The following MRM1 variants were observed in gnomAD, a reference collection of about 807,000 sequenced individuals.
The protein encoded by MRM1 is mitochondrial rRNA methyltransferase 1.
A neutral mutation model predicts 25.0 loss-of-function variants in MRM1; 24 were observed. The observed-to-expected ratio is 0.96, with a 90% CI of 0.69 to 1.35. The LOEUF is 1.35. MRM1 is among the 40% of genes most tolerant of loss of function. The probability of loss-of-function intolerance (pLI) is 0.00; values close to 1 mark genes in which losing one functional copy is unlikely to be tolerated. For synonymous variants in MRM1, 188 were observed against 199.2 expected, an observed-to-expected ratio of 0.94 and a Z score of 0.47; for missense variants, 431 against 464.1, an observed-to-expected ratio of 0.93 and a Z score of 0.65.
At chr17:36,603,060 A>G (rs891130769) in intron 2 of MRM1, 68 of 985,256 alleles carry the variant, frequency 6.9e-5, no homozygotes, top group Non-Finnish European at 7.7e-5. Flanking sequence ...ATCTAGCAAG[A>G]GACAAACCTT....
At chr17:36,610,399 A>AT (rs1429650963), downstream of MRM1, among the ~76,000 whole-genome samples, 1 of 151,724 alleles carries the variant, frequency 6.6e-6, no homozygotes, top group Non-Finnish European at 1.5e-5. Context: ...AGCCTGGCTA[A>AT]TTTTTTGTGT....
chr17:36,611,558 G>A (rs1294251365), downstream of MRM1, among the ~76,000 whole-genome samples: 1 of 152,160 alleles, frequency 6.6e-6, no homozygotes, highest in Non-Finnish European at 1.5e-5. Flanking sequence ...CAGATGTTTG[G>A]TCAAACATTC....
At chr17:36,631,475 G>A in the MRM1 span, among the ~76,000 whole-genome samples, 1 of 152,242 alleles carries the variant, frequency 6.6e-6, no homozygotes, top group Admixed American at 6.5e-5. Context: ...GTTTAGGCAT[G>A]TGACCTTGGG....
chr17:36,634,080 A>G, the MRM1 span: 1 of 152,050 alleles, frequency 6.6e-6, no homozygotes, highest in African/African-American at 2.4e-5. Context: ...TCTCTCCCCC[A>G]TTCTTCTAGA....
chr17:36,608,453 G>C lies in MRM1; in HGVS notation c.*38G>C. 1 of 1,410,186 alleles carries C rather than the reference G, an allele frequency of 7.1e-7. No homozygotes were observed. Among genetic ancestry groups the C allele is most frequent in the Middle Eastern group, 2.3e-4 (1 of 4,382 alleles). The allele number at this position is 1,410,186 out of a possible 1,614,324, so 87.4% of individuals were successfully genotyped here. A position where few individuals can be genotyped will look rare whatever the true frequency, so the allele number is the denominator to read the frequency against. On this transcript the variant is annotated 3_prime_UTR_variant, in exon 5 of 5. Coordinates refer to ENST00000614766, the MANE Select transcript of MRM1 (RefSeq NM_024864.5). ...ACAGTGTTCATGTGCTGGAGTCAGGGACGGCCGCACCTGCCTCCGCCGGCT... is the reference window on the plus strand; with the variant it reads ...ACAGTGTTCATGTGCTGGAGTCAGGCACGGCCGCACCTGCCTCCGCCGGCT...
At chr17:36,612,473 G>A (rs1042094877), downstream of MRM1, among the ~76,000 whole-genome samples, 6 of 152,180 alleles carry the variant, frequency 3.9e-5, no homozygotes, top group South Asian at 8.3e-4. Flanking sequence ...TACCTGGCGC[G>A]GTGCCTATAC....
In MRM1 at chr17:36,602,022, G is replaced by A. The variant is rs764203004; in HGVS notation, c.212G>A (p.Arg71Gln). 6.2e-7 allele frequency: 1 copy of A among 1,611,196 alleles called. No individual in the cohort carries two copies. The highest frequency in any genetic ancestry group is 8.5e-7 in the Non-Finnish European group (1 of 1,178,908). ...CAGGCCGCCCGCCGCTCTGTGGCCC[G>A]GCTCCTGCTCCAGGCGGGTAAAGCT... ...ALQAARRSVA[R>Q]LLLQAGKAGL... is the part of the protein sequence containing the mutation. Residue 71 changes from arginine to glutamine, a missense_variant, in exon 1 of 5, where the codon CGG (arginine) becomes CAG (glutamine). By Grantham distance (43) the Arg-to-Gln change is conservative. Transcript: ENST00000614766. This position sits in a 1 kb window ranked among gnomAD's most constrained non-coding sequence, Gnocchi z 4.1.
At chr17:36,632,403 G>A in the MRM1 span, among the ~76,000 whole-genome samples, 2 of 152,026 alleles carry the variant, frequency 1.3e-5, no homozygotes, top group Non-Finnish European at 2.9e-5. Flanking sequence ...AGTGGAAAGA[G>A]AGTGGGTGTT....
At chr17:36,632,120 G>A in the MRM1 span, among the ~76,000 whole-genome samples, 1 of 152,136 alleles carries the variant, frequency 6.6e-6, no homozygotes. Context: ...CTCTCAAAGT[G>A]CTGGGATTAC....
chr17:36,632,643 A>T, the MRM1 span, among the ~76,000 whole-genome samples: 1 of 151,926 alleles, frequency 6.6e-6, no homozygotes. Flanking sequence ...TTCTCAGCTC[A>T]TTGATTGATT....
At chr17:36,621,778 C>T in the MRM1 span, among the ~76,000 whole-genome samples, 1 of 152,012 alleles carries the variant, frequency 6.6e-6, no homozygotes, top group Admixed American at 6.6e-5. Context: ...GGGCCCCCAG[C>T]CCCCCTTGGC....
the MRM1 span, among the ~76,000 whole-genome samples, chr17:36,614,570 C>T: frequency 2.6e-5 from 4 of 152,302 alleles, no homozygotes; most frequent in Admixed American, 2.0e-4. Flanking sequence ...GGCACCCCAA[C>T]ATGGCCACTT....
In MRM1 at chr17:36,608,449, C is replaced by T. The variant is rs1434142165; in HGVS notation, c.*34C>T. The T allele has an allele frequency of 3.5e-6, 5 of 1,427,712 alleles. No individual in the cohort carries two copies. Among genetic ancestry groups the T allele is most frequent in the African/African-American group, 2.9e-5 (2 of 69,306 alleles). The allele number at this position is 1,427,712 out of a possible 1,614,324, so 88.4% of individuals were successfully genotyped here. On this transcript the variant is annotated 3_prime_UTR_variant, in exon 5 of 5. Coordinates refer to ENST00000614766, the MANE Select transcript of MRM1 (RefSeq NM_024864.5). ...GTCCACAGTGTTCATGTGCTGGAGT[C>T]AGGGACGGCCGCACCTGCCTCCGCC...
the MRM1 span, among the ~76,000 whole-genome samples, chr17:36,626,049 C>G: frequency 2.6e-5 from 4 of 151,534 alleles, no homozygotes; most frequent in Middle Eastern, 3.2e-3. Context: ...GCGTCTGTGT[C>G]AGGTGCGTCC....
At position 36,602,593 on chromosome 17, in the gene MRM1, G is replaced by A. The variant is rs779260951; in HGVS notation, c.583G>A (p.Ala195Thr). The change falls in exon 2 of 5, where the codon GCT (alanine) becomes ACT (threonine). Residue 195 changes from alanine to threonine, a missense_variant. Coordinates refer to ENST00000614766, the MANE Select transcript of MRM1 (RefSeq NM_024864.5). The surrounding 1 kb of genome is among the most constrained non-coding windows in gnomAD (Gnocchi z 4.1). ...AGTAGTCAGCAAGTCCAGCGCGGGG[G>A]CTATGGAGGTGATGGACGTGTTCTC... ...TPVVSKSSAG[A>T]MEVMDVFSTD... The A allele has an allele frequency of 6.2e-7, 1 of 1,614,210 alleles. No homozygotes were observed. Among genetic ancestry groups the A allele is most frequent in the South Asian group, 1.1e-5 (1 of 91,082 alleles).
chr17:36,602,864 C>T lies in MRM1; in HGVS notation c.636+218C>T, dbSNP rs909836201. The T allele has an allele frequency of 2.2e-6, 2 of 902,578 alleles. No homozygotes were observed. The highest frequency in any genetic ancestry group is 1.8e-5 in the African/African-American group (1 of 55,502). 55.9% of individuals were successfully genotyped at this position (902,578 alleles called of 1,614,324 possible). On this transcript the variant is annotated intron_variant, in intron 2 of 4. Transcript: ENST00000614766. This position sits in a 1 kb window ranked among gnomAD's most constrained non-coding sequence, Gnocchi z 4.1. ...TAGCGTTATACCCTTTCCTGCACCCCTTCCCCAGGTATGCACCACTTTGCC... is the reference window on the plus strand; with the variant it reads ...TAGCGTTATACCCTTTCCTGCACCCTTTCCCCAGGTATGCACCACTTTGCC...
intron 2 of MRM1, among the ~76,000 whole-genome samples, chr17:36,603,963 C>T (rs542316378): frequency 6.6e-6 from 1 of 152,342 alleles, no homozygotes; most frequent in Non-Finnish European, 1.5e-5. Flanking sequence ...CACAGAAACA[C>T]TGCAGAACAT....
At position 36,602,487 on chromosome 17, in the gene MRM1, C is replaced by T; in HGVS notation, c.543-66C>T. ...CTCATCCCCCTAGCCCTTGGGAGCC[C>T]TGGGAGGGTAGGGAGCCGGGCTTGA... On this transcript the variant is annotated intron_variant, in intron 1 of 4. Coordinates refer to ENST00000614766, the MANE Select transcript of MRM1 (RefSeq NM_024864.5). This position sits in a 1 kb window ranked among gnomAD's most constrained non-coding sequence, Gnocchi z 4.1. The T allele has an allele frequency of 6.2e-7, 1 of 1,610,420 alleles. No homozygotes were observed. The highest frequency in any genetic ancestry group is 8.5e-7 in the Non-Finnish European group (1 of 1,177,266).
At chr17:36,612,206 G>A (rs544296608), downstream of MRM1, among the ~76,000 whole-genome samples, 4 of 152,192 alleles carry the variant, frequency 2.6e-5, no homozygotes, top group South Asian at 8.3e-4. Context: ...AGTGGTCTGG[G>A]CCATCTAGAA....
Sources: gnomAD v4.1 joint callset for allele counts (sites outside exome capture counted in the v4.1 genomes callset) on GRCh38, gnomAD v4.1.1 for gene constraint, Gnocchi (gnomAD v3.1) non-coding constraint, MANE v1.5 for transcripts, NCBI Gene and HGNC (gene_info 2026-07-23, HGNC 2026-07-21) for gene names.